Variants in RBM47 observed in about 807,000 individuals in gnomAD.
RBM47 encodes the protein RNA-binding protein 47.
Under a neutral mutation model 47.1 loss-of-function variants are expected in RBM47, and 21 were observed. The observed-to-expected ratio is 0.45, with a 90% CI of 0.32 to 0.64. The LOEUF (loss-of-function observed/expected upper bound fraction) is 0.64, where lower values mean the gene tolerates loss of function less well. Ranked by LOEUF, RBM47 falls within the 30% of genes least tolerant of loss-of-function variation. The pLI is 0.05. For missense variants in RBM47, 708 were observed against 870.9 expected (o/e 0.81, Z 2.35); for synonymous variants, 375 against 361.7 (o/e 1.04, Z -0.42).
intron 1 of RBM47, among the ~76,000 whole-genome samples, chr4:40,624,194 C>T (rs1478803797): frequency 6.6e-6 from 1 of 152,072 alleles, no homozygotes; most frequent in Admixed American, 6.5e-5. Flanking sequence ...GTGAGGTAGG[C>T]ATTTTACAGT....
intron 2 of RBM47, among the ~76,000 whole-genome samples, chr4:40,525,190 C>T (rs1726572865): frequency 6.6e-6 from 1 of 152,178 alleles, no homozygotes; most frequent in Non-Finnish European, 1.5e-5. Flanking sequence ...GTAATCCCAG[C>T]ACTTTGGGAG....
intron 2 of RBM47, among the ~76,000 whole-genome samples, chr4:40,528,364 G>A (rs1577889278): frequency 6.6e-6 from 1 of 151,754 alleles, no homozygotes; most frequent in Non-Finnish European, 1.5e-5. Flanking sequence ...AGCTGAGATC[G>A]TGCCACTGTA....
intron 2 of RBM47, among the ~76,000 whole-genome samples, chr4:40,488,062 C>T (rs1250470061): frequency 1.3e-5 from 2 of 152,084 alleles, no homozygotes; most frequent in Non-Finnish European, 2.9e-5. Flanking sequence ...TGGCTCACAC[C>T]TGTAATCCCA....
chr4:40,458,214 T>C (rs1716583314), intron 3 of RBM47, among the ~76,000 whole-genome samples: 1 of 152,228 alleles, frequency 6.6e-6, no homozygotes, highest in South Asian at 2.1e-4. Flanking sequence ...ATAGGTCTTT[T>C]TGTAAAACAA....
At chr4:40,505,683 C>A (rs916201412) in intron 2 of RBM47, among the ~76,000 whole-genome samples, 2 of 150,964 alleles carry the variant, frequency 1.3e-5, no homozygotes, top group East Asian at 1.9e-4. Flanking sequence ...GTCAGGAGTT[C>A]GAGACTAGCC....
At chr4:40,623,997 G>A (rs759885192) in intron 1 of RBM47, among the ~76,000 whole-genome samples, 6 of 152,008 alleles carry the variant, frequency 3.9e-5, no homozygotes, top group East Asian at 1.9e-4. Context: ...GATTACAGGC[G>A]TGTACCACCA....
chr4:40,444,673 T>C (rs1399136145), intron 3 of RBM47, among the ~76,000 whole-genome samples: 8 of 151,818 alleles, frequency 5.3e-5, no homozygotes, highest in Non-Finnish European at 1.0e-4. Flanking sequence ...CTAACTGTTT[T>C]TTTTTTTTTT....
intron 3 of RBM47, among the ~76,000 whole-genome samples, chr4:40,450,440 A>G (rs1341441973): frequency 6.6e-6 from 1 of 151,888 alleles, no homozygotes. Flanking sequence ...CTGAAAAAAA[A>G]AAAATATAAA....
intron 3 of RBM47, among the ~76,000 whole-genome samples, chr4:40,466,270 A>G (rs1718008656): frequency 6.6e-6 from 1 of 150,510 alleles, no homozygotes; most frequent in Non-Finnish European, 1.5e-5. Flanking sequence ...TGTCTCAAAA[A>G]AAAAAAAAAA....
chr4:40,504,537 C>T (rs1472164595), intron 2 of RBM47, among the ~76,000 whole-genome samples: 1 of 152,134 alleles, frequency 6.6e-6, no homozygotes, highest in Admixed American at 6.6e-5. Flanking sequence ...AAGTGATCCA[C>T]CCGCCTCGGC....
At chr4:40,502,535 C>T (rs6835176) in intron 2 of RBM47, among the ~76,000 whole-genome samples, 11,071 of 152,172 alleles carry the variant, frequency 0.073, 582 homozygotes, top group East Asian at 0.18. Context: ...AAGACTCCAA[C>T]GACACAGAAC....
chr4:40,549,938 G>A (rs1729405148), intron 1 of RBM47, among the ~76,000 whole-genome samples: 1 of 152,156 alleles, frequency 6.6e-6, no homozygotes, highest in South Asian at 2.1e-4. Flanking sequence ...CCAAAGTGCT[G>A]GGATTACAGG....
intron 3 of RBM47, among the ~76,000 whole-genome samples, chr4:40,445,273 CA>C (rs35418476): frequency 0.67 from 71,710 of 106,612 alleles, 21,747 homozygotes; most frequent in Middle Eastern, 0.76. Context: ...GACTCCGTCT[CA>C]AAAAAAAAAA....
chr4:40,500,585 AG>A (rs1723226411), intron 2 of RBM47, among the ~76,000 whole-genome samples: 1 of 148,014 alleles, frequency 6.8e-6, no homozygotes, highest in South Asian at 2.2e-4. Flanking sequence ...TGATAAAGCA[AG>A]ACCCTATCTC....
intron 1 of RBM47, among the ~76,000 whole-genome samples, chr4:40,587,639 TAAAAGGGAAAGACCTTCCA>T (rs1432707059): frequency 6.6e-6 from 1 of 152,118 alleles, no homozygotes; most frequent in Non-Finnish European, 1.5e-5. Flanking sequence ...AACCTTTACT[TAAAAGGGAAAGACCTTCCA>T]GCACTTTCCT....
At chr4:40,583,469 G>A (rs1207586706) in intron 1 of RBM47, among the ~76,000 whole-genome samples, 1 of 151,606 alleles carries the variant, frequency 6.6e-6, no homozygotes, top group Non-Finnish European at 1.5e-5. Flanking sequence ...TTACTTGGGA[G>A]GCTGAGGAAA....
intron 1 of RBM47, among the ~76,000 whole-genome samples, chr4:40,562,891 C>T (rs768490369): frequency 5.9e-5 from 9 of 152,134 alleles, no homozygotes; most frequent in Non-Finnish European, 1.3e-4. Context: ...AGAATTCCCT[C>T]GAGGGGATGA....
chr4:40,498,082 T>TATATATA (rs1722879323), intron 2 of RBM47, among the ~76,000 whole-genome samples: 1 of 93,242 alleles, frequency 1.1e-5, no homozygotes, highest in African/African-American at 4.3e-5. Flanking sequence ...ATATATATGT[T>TATATATA]TATCTAATTC....
chr4:40,493,903 C>T (rs1722236250), intron 2 of RBM47, among the ~76,000 whole-genome samples: 1 of 152,210 alleles, frequency 6.6e-6, no homozygotes, highest in East Asian at 1.9e-4. Flanking sequence ...CGCACCACTG[C>T]ACTCCAGCCT....
Sources: allele counts gnomAD v4.1 joint callset (sites outside exome capture counted in the v4.1 genomes callset), GRCh38; gene constraint gnomAD v4.1.1; transcripts MANE v1.5; gene names NCBI Gene and HGNC (gene_info 2026-07-23, HGNC 2026-07-21).